The following GRM3 variants were observed in gnomAD, a reference collection of about 807,000 sequenced individuals.
The protein encoded by GRM3 is metabotropic glutamate receptor 3.
In GRM3, 26 loss-of-function variants were observed where a neutral mutation model predicts 70.5. The ratio of observed to expected loss-of-function variants is 0.37; its 90% CI spans 0.27 to 0.51. The LOEUF is 0.51. Among genes scored for constraint, GRM3 ranks in the 20% least tolerant of loss-of-function variants. The probability of loss-of-function intolerance (pLI) is 0.93; values close to 1 mark genes in which losing one functional copy is unlikely to be tolerated. For synonymous variants in GRM3, 443 were observed against 434.9 expected (o/e 1.02, Z -0.23); for missense variants, 859 against 1,123.8 (o/e 0.76, Z 3.37).
At chr7:86,856,265 G>A (rs1033591807) in intron 5 of GRM3, among the ~76,000 whole-genome samples, 4 of 152,136 alleles carry the variant, frequency 2.6e-5, no homozygotes, top group East Asian at 1.9e-4. Context: ...CCAGTATGGC[G>A]AAACCCCATT....
chr7:86,691,572 T>C (rs1794697836), intron 1 of GRM3, among the ~76,000 whole-genome samples: 1 of 152,156 alleles, frequency 6.6e-6, no homozygotes, highest in South Asian at 2.1e-4. Context: ...CAAAACATGT[T>C]TTGGAAACTT....
At chr7:86,806,591 G>A (rs933886423) in intron 3 of GRM3, among the ~76,000 whole-genome samples, 1 of 152,054 alleles carries the variant, frequency 6.6e-6, no homozygotes, top group African/African-American at 2.4e-5. Flanking sequence ...CTTTTTGATG[G>A]GGTTGTTTGA....
intron 5 of GRM3, among the ~76,000 whole-genome samples, chr7:86,863,138 A>T (rs188197223): frequency 6.6e-6 from 1 of 152,306 alleles, no homozygotes; most frequent in Non-Finnish European, 1.5e-5. Context: ...ACATGGTTTC[A>T]GTCCATAGAG....
At chr7:86,721,421 C>A (rs1351435186) in intron 1 of GRM3, among the ~76,000 whole-genome samples, 3 of 152,034 alleles carry the variant, frequency 2.0e-5, no homozygotes, top group Admixed American at 6.6e-5. Context: ...AAAAAGAAAT[C>A]TCATCAAATA....
chr7:86,723,981 C>T (rs1795534029), intron 1 of GRM3, among the ~76,000 whole-genome samples: 1 of 152,164 alleles, frequency 6.6e-6, no homozygotes, highest in Admixed American at 6.6e-5. Context: ...GGCTCATTAA[C>T]TATAAATGAG....
intron 3 of GRM3, among the ~76,000 whole-genome samples, chr7:86,829,881 C>T (rs753148330): frequency 5.9e-5 from 9 of 152,134 alleles, no homozygotes; most frequent in Non-Finnish European, 7.4e-5. Context: ...TAGACTTGTT[C>T]GATGCAGGGT....
At chr7:86,697,433 T>G (rs1794844586) in intron 1 of GRM3, among the ~76,000 whole-genome samples, 1 of 152,090 alleles carries the variant, frequency 6.6e-6, no homozygotes. Flanking sequence ...TTGGAGACAC[T>G]TAACTGTCAG....
chr7:86,654,529 C>G (rs535342936), intron 1 of GRM3, among the ~76,000 whole-genome samples: 3 of 152,158 alleles, frequency 2.0e-5, no homozygotes, highest in Non-Finnish European at 4.4e-5. Context: ...AAGCCAAAAG[C>G]CCACTGCCTC....
chr7:86,783,825 T>A (rs565740293), intron 2 of GRM3, among the ~76,000 whole-genome samples: 2 of 152,336 alleles, frequency 1.3e-5, no homozygotes, highest in South Asian at 4.1e-4. Flanking sequence ...ACTCTGAATA[T>A]CGTAAGTTTG....
chr7:86,815,498 A>G (rs990877534), intron 3 of GRM3, among the ~76,000 whole-genome samples: 2 of 151,940 alleles, frequency 1.3e-5, no homozygotes, highest in Non-Finnish European at 2.9e-5. Context: ...AAAAGAAAGT[A>G]AGGGTAGTCA....
In GRM3 at chr7:86,746,344, TATATA is replaced by T. The variant is rs1562846599; in HGVS notation, c.-140-18661_-140-18657del. On this transcript the variant is annotated intron_variant, in intron 1 of 5. Coordinates refer to ENST00000361669, the MANE Select transcript of GRM3 (RefSeq NM_000840.3). ...CTAATAGAGGGTCAGTCATGTATTA[TATATA>T]TATATATATATATATATATATATAT... Among the ~76,000 whole-genome samples the T allele has an allele frequency of 9.0e-4, 47 of 51,994 alleles. 1 individual carries two copies. The highest frequency in any genetic ancestry group is 0.01 in the Middle Eastern group (1 of 100). 34.1% of individuals were successfully genotyped at this position (51,994 alleles called of 152,430 possible).
chr7:86,804,956 T>C (rs1157198917), intron 3 of GRM3, among the ~76,000 whole-genome samples: 1 of 152,104 alleles, frequency 6.6e-6, no homozygotes, highest in African/African-American at 2.4e-5. Context: ...TACAAATTTT[T>C]TTTCTTAATT....
intron 1 of GRM3, among the ~76,000 whole-genome samples, chr7:86,697,102 T>C (rs1287474510): frequency 6.6e-6 from 1 of 152,088 alleles, no homozygotes; most frequent in Non-Finnish European, 1.5e-5. Flanking sequence ...ATTAAGAAAC[T>C]GCCTACATAG....
intron 1 of GRM3, among the ~76,000 whole-genome samples, chr7:86,700,907 C>T (rs1794933464): frequency 6.6e-6 from 1 of 151,890 alleles, no homozygotes; most frequent in South Asian, 2.1e-4. Flanking sequence ...TTACCCTCTA[C>T]TAATTAGAAA....
rs992764641 is a variant in GRM3 at position 86,756,860 on chromosome 7, A to C, written c.-140-8146A>C. Reference sequence around the variant, plus strand: ...AGACTACTAAATATTGTCCAACTGGACACTGAAGATTTGTTGAATTTCTTT... The same window carrying C: ...AGACTACTAAATATTGTCCAACTGGCCACTGAAGATTTGTTGAATTTCTTT... On this transcript the variant is annotated intron_variant, in intron 1 of 5. Transcript: ENST00000361669. Among the ~76,000 whole-genome samples, 25 of 152,102 alleles carry C rather than the reference A, an allele frequency of 1.6e-4. 1 individual carries two copies. Among genetic ancestry groups the C allele is most frequent in the Admixed American group, 1.4e-3 (22 of 15,258 alleles).
At chr7:86,706,724 C>G (rs1442449845) in intron 1 of GRM3, among the ~76,000 whole-genome samples, 1 of 151,866 alleles carries the variant, frequency 6.6e-6, no homozygotes, top group Non-Finnish European at 1.5e-5. Flanking sequence ...TGATCTTGAA[C>G]TAGGAACACT....
chr7:86,802,613 T>G (rs1399473443), intron 3 of GRM3, among the ~76,000 whole-genome samples: 1 of 149,338 alleles, frequency 6.7e-6, no homozygotes. Context: ...AAAAAAAACG[T>G]AATCAGGCTA....
intron 1 of GRM3, among the ~76,000 whole-genome samples, chr7:86,658,801 C>G (rs1200960622): frequency 1.3e-5 from 2 of 149,862 alleles, no homozygotes; most frequent in African/African-American, 2.5e-5. Context: ...TATAAGTAAA[C>G]TTAAAGATAA....
chr7:86,791,117 C>G (rs1366781941), intron 3 of GRM3, among the ~76,000 whole-genome samples: 1 of 152,170 alleles, frequency 6.6e-6, no homozygotes, highest in East Asian at 1.9e-4. Context: ...TTAACCCAAA[C>G]TTACGTTTTC....
Sources: allele counts gnomAD v4.1 joint callset (sites outside exome capture counted in the v4.1 genomes callset), GRCh38; gene constraint gnomAD v4.1.1; transcripts MANE v1.5; gene names NCBI Gene and HGNC (gene_info 2026-07-23, HGNC 2026-07-21).